Variants in KANSL3 observed in about 807,000 individuals in gnomAD.
KANSL3 encodes the protein NSL complex protein NSL3.
A neutral mutation model predicts 89.2 loss-of-function variants in KANSL3; 16 were observed. The ratio of observed to expected loss-of-function variants is 0.18; its 90% confidence interval spans 0.12 to 0.27. The LOEUF (loss-of-function observed/expected upper bound fraction) is 0.27, where lower values mean the gene tolerates loss of function less well. Among genes scored for constraint, KANSL3 ranks in the 10% least tolerant of loss-of-function variants. The probability of loss-of-function intolerance (pLI) is 1.00; values close to 1 mark genes in which losing one functional copy is unlikely to be tolerated. For missense variants in KANSL3, 879 were observed against 1,110.6 expected (o/e 0.79, Z 2.96); for synonymous variants, 385 against 419.7 (o/e 0.92, Z 1.01).
At chr2:96,596,552 A>G (rs2066554626) in intron 20 of KANSL3, among the ~76,000 whole-genome samples, 1 of 152,240 alleles carries the variant, frequency 6.6e-6, no homozygotes, top group African/African-American at 2.4e-5. Flanking sequence ...CATGACTTCA[A>G]TCCCAGCACT....
chr2:96,609,950 CAAAAAAAAAAAAA>C (rs35175492), intron 11 of KANSL3, among the ~76,000 whole-genome samples: 4 of 21,612 alleles, frequency 1.9e-4, no homozygotes, highest in Admixed American at 9.5e-4. Context: ...GGCGCCACCT[CAAAAAAAAAAAAA>C]AAAAAAAAAA....
chr2:96,612,514 ACTC>A lies in KANSL3; in HGVS notation c.959_961del (p.Gly320del). ...AATCATATGCTCGAGACACTGTAGA[ACTC>A]CTACCCCACTGCCATTGTTCAGCAG... is the stretch of plus-strand genomic sequence containing the variant. On this transcript the variant is annotated inframe_deletion, in exon 8 of 21. Coordinates refer to ENST00000431828, the MANE Select transcript of KANSL3 (RefSeq NM_001115016.3). 1 of 1,613,802 alleles carries A rather than the reference ACTC, an allele frequency of 6.2e-7. No individual in the cohort carries two copies. The highest frequency in any genetic ancestry group is 8.5e-7 in the Non-Finnish European group (1 of 1,179,846).
the KANSL3 span, among the ~76,000 whole-genome samples, chr2:96,581,764 ATGTTT>A: frequency 1.3e-5 from 2 of 152,186 alleles, no homozygotes; most frequent in African/African-American, 4.8e-5. Context: ...TTCAATATAA[ATGTTT>A]TGTTTTGAGG....
chr2:96,629,361 T>C (rs1463514973), intron 3 of KANSL3, among the ~76,000 whole-genome samples: 1 of 152,158 alleles, frequency 6.6e-6, no homozygotes, highest in African/African-American at 2.4e-5. Context: ...TCACTCTTGG[T>C]GCCCAGACTG....
At chr2:96,583,629 A>G in the KANSL3 span, among the ~76,000 whole-genome samples, 4 of 152,224 alleles carry the variant, frequency 2.6e-5, no homozygotes, top group East Asian at 7.7e-4. Flanking sequence ...ACTATATGAA[A>G]ATACTGCAAT....
rs765830418 is a variant in KANSL3 at position 96,602,246 on chromosome 2, G to C, written c.2352C>G (p.Thr784=). The C allele has an allele frequency of 5.0e-6, 8 of 1,612,098 alleles. No individual in the cohort carries two copies. The South Asian group carries it at 8.8e-5, about 18-fold the overall frequency. Residue 784 remains threonine (T), a synonymous_variant, in exon 19 of 21, where the codon ACC becomes ACG. Transcript: ENST00000431828. ...STIVRTIPVA[T]TLSSLGATPG... ...GAGTGGCACCCAAGGAGGAGAGAGT[G>C]GTGGCCACAGGAATGGTACGGACAA...
chr2:96,590,590 G>T (rs2066264759), downstream of KANSL3, among the ~76,000 whole-genome samples: 2 of 149,738 alleles, frequency 1.3e-5, no homozygotes, highest in Non-Finnish European at 3.0e-5. Flanking sequence ...GGCTGGGCTG[G>T]CAGTTTCCTA....
intron 3 of KANSL3, among the ~76,000 whole-genome samples, chr2:96,628,874 C>A (rs146021073): frequency 2.8e-4 from 42 of 152,202 alleles, no homozygotes; most frequent in African/African-American, 1.0e-3. Flanking sequence ...ACCAGGCCAC[C>A]TTGTTCAGCC....
At chr2:96,609,427 C>A in intron 12 of KANSL3, 72 bp downstream of exon 12, 2 of 1,396,950 alleles carry the variant, frequency 1.4e-6, no homozygotes, top group South Asian at 1.2e-5. Context: ...AGACCACTAC[C>A]AATAAGACCA....
intron 19 of KANSL3, 153 bp from the exon 20 acceptor site, chr2:96,601,929 G>T (rs1416045412): frequency 5.4e-6 from 7 of 1,304,504 alleles, no homozygotes; most frequent in Non-Finnish European, 7.2e-6. Context: ...AATCTGAAAG[G>T]CAACAGGAAA....
intron 2 of KANSL3, 70 bp from the exon 3 acceptor site, chr2:96,631,552 C>CA (rs775535853): frequency 3.3e-6 from 5 of 1,526,332 alleles, no homozygotes; most frequent in South Asian, 1.2e-5. Flanking sequence ...ATCTGGTTGA[C>CA]AAAAAATGTA....
At chr2:96,617,493 G>A (rs2070383167) in intron 5 of KANSL3, among the ~76,000 whole-genome samples, 1 of 151,476 alleles carries the variant, frequency 6.6e-6, no homozygotes, top group South Asian at 2.1e-4. Context: ...GAGGGAACGT[G>A]TTGGCCAGGC....
At chr2:96,607,583 G>A (rs1024476623) in intron 14 of KANSL3, among the ~76,000 whole-genome samples, 15 of 152,292 alleles carry the variant, frequency 9.8e-5, no homozygotes, top group East Asian at 7.7e-4. Context: ...CAGAGCATCC[G>A]CGCAGACCCT....
At chr2:96,604,658 T>C in intron 16 of KANSL3, 121 bp downstream of exon 16, 1 of 924,430 alleles carries the variant, frequency 1.1e-6, no homozygotes, top group Non-Finnish European at 1.7e-6. Flanking sequence ...CAATCAGAAG[T>C]AAGTCACATT....
At chr2:96,582,911 C>A in the KANSL3 span, among the ~76,000 whole-genome samples, 2 of 152,236 alleles carry the variant, frequency 1.3e-5, no homozygotes, top group Non-Finnish European at 2.9e-5. Context: ...TGCTGGAAGT[C>A]TAACACACAC....
chr2:96,611,903 A>ATATATG (rs376030964), intron 9 of KANSL3, among the ~76,000 whole-genome samples: 1 of 113,304 alleles, frequency 8.8e-6, no homozygotes, highest in Admixed American at 9.8e-5. Flanking sequence ...ATATACCCAT[A>ATATATG]TGTGTGTGTG....
intron 5 of KANSL3, among the ~76,000 whole-genome samples, chr2:96,618,110 A>G (rs1442040507): frequency 6.6e-6 from 1 of 151,714 alleles, no homozygotes; most frequent in African/African-American, 2.4e-5. Context: ...GCAAGCAATG[A>G]TAGTGCCACT....
At chr2:96,597,206 T>C (rs996319535) in intron 20 of KANSL3, among the ~76,000 whole-genome samples, 2 of 152,202 alleles carry the variant, frequency 1.3e-5, no homozygotes, top group Non-Finnish European at 2.9e-5. Flanking sequence ...AATTCCGTAA[T>C]ATCAACAACT....
At position 96,628,824 on chromosome 2, in the gene KANSL3, A is replaced by G. The variant is rs141787313; in HGVS notation, c.386+2488T>C. 7.2e-5 allele frequency among the ~76,000 whole-genome samples: 11 copies of G among 152,210 alleles called. 1 individual carries two copies. The highest frequency in any genetic ancestry group is 2.6e-4 in the African/African-American group (11 of 41,546). ...TATGTACTTTCTGAAATTGCAAAGG[A>G]CAAGGTAGTAGAAAATACCACAAAG... is the stretch of plus-strand genomic sequence containing the variant. On this transcript the variant is annotated intron_variant, in intron 3 of 20. Transcript: ENST00000431828.
Sources: allele counts gnomAD v4.1 joint callset (sites outside exome capture counted in the v4.1 genomes callset), GRCh38; gene constraint gnomAD v4.1.1; transcripts MANE v1.5; gene names NCBI Gene and HGNC (gene_info 2026-07-23, HGNC 2026-07-21).